Variants in ME3 observed in about 807,000 individuals in gnomAD.
ME3 encodes NADP-dependent malic enzyme, mitochondrial.
In ME3, 48 loss-of-function variants were observed where a neutral mutation model predicts 68.9. The ratio of observed to expected loss-of-function variants is 0.70; its 90% CI spans 0.55 to 0.89. ME3 has a LOEUF of 0.89. Ranked by LOEUF, ME3 falls within the 40% of genes least tolerant of loss-of-function variation. ME3 has a pLI of 0.00. For missense variants in ME3, 675 were observed against 797.4 expected (o/e 0.85, Z 1.85); for synonymous variants, 320 against 318.8 (o/e 1.00, Z -0.04).
chr11:86,446,658 G>T (rs1014393309), intron 12 of ME3, among the ~76,000 whole-genome samples, 171 bp from the exon 13 acceptor site: 1 of 152,206 alleles, frequency 6.6e-6, no homozygotes, highest in East Asian at 1.9e-4. Flanking sequence ...TGACCAGAAA[G>T]CTCAGCCCTC....
At chr11:86,634,041 G>C (rs722157) in intron 2 of ME3, among the ~76,000 whole-genome samples, 29,579 of 152,022 alleles carry the variant, frequency 0.19, 3,360 homozygotes, top group East Asian at 0.4. Context: ...TCCATTAATT[G>C]AGTCCCCAAA....
chr11:86,477,947 A>G (rs977967291), intron 7 of ME3, among the ~76,000 whole-genome samples: 4 of 152,174 alleles, frequency 2.6e-5, no homozygotes, highest in African/African-American at 9.7e-5. Context: ...ACTGTCAACA[A>G]TGAGCCATAT....
At position 86,572,886 on chromosome 11, in the gene ME3, A is replaced by C. The variant is rs1406492073; in HGVS notation, c.184-13063T>G. Among the ~76,000 whole-genome samples, 2 of 152,180 alleles carry C rather than the reference A, an allele frequency of 1.3e-5. 1 individual carries two copies. The highest frequency in any genetic ancestry group is 4.8e-5 in the African/African-American group (2 of 41,444). On this transcript the variant is annotated intron_variant, in intron 2 of 14. Coordinates refer to ENST00000543262, the Ensembl canonical transcript of ME3. ...TTCCACAATGGTTGAACTAATTTGC[A>C]ATCCCACCAACAGTGTAAAAGTGTT...
At chr11:86,591,266 T>A (rs1959040322) in intron 2 of ME3, among the ~76,000 whole-genome samples, 1 of 152,170 alleles carries the variant, frequency 6.6e-6, no homozygotes, top group African/African-American at 2.4e-5. Context: ...TATCTGGATT[T>A]TCCACAGGCC....
chr11:86,613,006 T>C (rs561332699), intron 2 of ME3, among the ~76,000 whole-genome samples: 16 of 152,330 alleles, frequency 1.1e-4, no homozygotes, highest in East Asian at 1.9e-4. Context: ...CTGAATGGTA[T>C]TGTCTAGATT....
chr11:86,620,336 A>C (rs907283204), intron 2 of ME3, among the ~76,000 whole-genome samples: 2 of 152,188 alleles, frequency 1.3e-5, no homozygotes, highest in African/African-American at 4.8e-5. Flanking sequence ...GGTCTCAGAC[A>C]TGTAATCTTT....
At chr11:86,594,845 T>G (rs1359748039) in intron 2 of ME3, among the ~76,000 whole-genome samples, 1 of 146,632 alleles carries the variant, frequency 6.8e-6, no homozygotes, top group Non-Finnish European at 1.5e-5. Flanking sequence ...AGGTAGCCCT[T>G]GAAGGTAGCA....
chr11:86,504,783 C>T (rs889505033), intron 5 of ME3, among the ~76,000 whole-genome samples: 4 of 152,104 alleles, frequency 2.6e-5, no homozygotes, highest in African/African-American at 4.8e-5. Flanking sequence ...CTCCGCCTCC[C>T]GGGTTCAAGC....
chr11:86,461,314 G>A (rs912506497), intron 8 of ME3, among the ~76,000 whole-genome samples: 2 of 152,226 alleles, frequency 1.3e-5, no homozygotes, highest in Non-Finnish European at 2.9e-5. Flanking sequence ...TTGTCCCCCA[G>A]TGAGGGAGGG....
intron 2 of ME3, among the ~76,000 whole-genome samples, chr11:86,614,472 C>T (rs1942814882): frequency 6.6e-6 from 1 of 152,146 alleles, no homozygotes; most frequent in Admixed American, 6.5e-5. Context: ...CTCTTTGCTC[C>T]ATCTGAGCAG....
At chr11:86,630,354 A>G (rs1943935247) in intron 2 of ME3, among the ~76,000 whole-genome samples, 1 of 152,168 alleles carries the variant, frequency 6.6e-6, no homozygotes. Context: ...CTCCAGTGAC[A>G]TATCTGGGGG....
intron 4 of ME3, among the ~76,000 whole-genome samples, chr11:86,510,418 C>T (rs1243995333): frequency 6.6e-6 from 1 of 152,164 alleles, no homozygotes; most frequent in Non-Finnish European, 1.5e-5. Flanking sequence ...GGTAAGTCAT[C>T]CCGCCATTAT....
chr11:86,575,850 G>A (rs942486094), intron 2 of ME3, among the ~76,000 whole-genome samples: 1 of 152,236 alleles, frequency 6.6e-6, no homozygotes, highest in African/African-American at 2.4e-5. Flanking sequence ...ACAAATGAAT[G>A]AAAGTCTGTG....
intron 2 of ME3, chr11:86,622,881 A>G (rs1943433347): frequency 6.6e-6 from 1 of 150,772 alleles, no homozygotes; most frequent in Non-Finnish European, 1.5e-5. Flanking sequence ...CTGCACTGTT[A>G]AGAGCATGGA....
chr11:86,541,872 C>T (rs896590281), intron 4 of ME3, among the ~76,000 whole-genome samples: 2 of 152,206 alleles, frequency 1.3e-5, no homozygotes, highest in Non-Finnish European at 2.9e-5. Context: ...CACCTCCCAG[C>T]AGGGGTCAAC....
intron 8 of ME3, among the ~76,000 whole-genome samples, chr11:86,462,835 A>G (rs929751378): frequency 6.6e-6 from 1 of 152,104 alleles, no homozygotes; most frequent in Non-Finnish European, 1.5e-5. Context: ...CTGAGGGAAC[A>G]GGGGCTGATG....
intron 4 of ME3, among the ~76,000 whole-genome samples, chr11:86,535,361 A>G (rs1955581956): frequency 6.6e-6 from 1 of 152,270 alleles, no homozygotes; most frequent in East Asian, 1.9e-4. Flanking sequence ...TCCAGGGTTC[A>G]TCCTGCAGCA....
chr11:86,450,646 C>G (rs185058558), intron 8 of ME3, among the ~76,000 whole-genome samples: 1 of 152,314 alleles, frequency 6.6e-6, no homozygotes. Flanking sequence ...ATCAGATAGC[C>G]AGGTGCTGCT....
intron 5 of ME3, among the ~76,000 whole-genome samples, chr11:86,506,249 C>T (rs1038278292): frequency 6.6e-6 from 1 of 152,220 alleles, no homozygotes; most frequent in Non-Finnish European, 1.5e-5. Flanking sequence ...TGTTTCTCTT[C>T]CTCTAAAATC....
Sources: gnomAD v4.1 joint callset for allele counts (sites outside exome capture counted in the v4.1 genomes callset) on GRCh38, gnomAD v4.1.1 for gene constraint, MANE v1.5 for transcripts, NCBI Gene and HGNC (gene_info 2026-07-23, HGNC 2026-07-21) for gene names.